The following SLC25A26 variants were observed in gnomAD, a reference collection of about 807,000 sequenced individuals.
SLC25A26 encodes the protein solute carrier family 25 member 26.
A neutral mutation model predicts 37.8 loss-of-function variants in SLC25A26; 36 were observed. The observed-to-expected ratio is 0.95, with a 90% CI of 0.73 to 1.26. The LOEUF (loss-of-function observed/expected upper bound fraction) is 1.26, where lower values mean the gene tolerates loss of function less well. Ranked by LOEUF, SLC25A26 falls within the 50% of genes most tolerant of loss-of-function variation. SLC25A26 has a pLI of 0.00. For synonymous variants in SLC25A26, 129 were observed against 122.5 expected, an observed-to-expected ratio of 1.05 and a Z score of -0.35; for missense variants, 390 against 331.1, an observed-to-expected ratio of 1.18 and a Z score of -1.38.
chr3:66,267,053 A>G (rs1345130512), intron 5 of SLC25A26, among the ~76,000 whole-genome samples: 1 of 152,200 alleles, frequency 6.6e-6, no homozygotes. Context: ...GGGGCACTAC[A>G]AGGAACATTT....
intron 5 of SLC25A26, among the ~76,000 whole-genome samples, chr3:66,305,618 C>T (rs1203753510): frequency 3.3e-5 from 5 of 152,076 alleles, no homozygotes; most frequent in Admixed American, 6.5e-5. Flanking sequence ...TTCCCCCCAC[C>T]CCACCCTGTG....
chr3:66,134,590 A>ATGT (rs1163687789), intron 1 of SLC25A26, among the ~76,000 whole-genome samples: 11 of 152,208 alleles, frequency 7.2e-5, no homozygotes, highest in African/African-American at 2.2e-4. Context: ...TGCTTAGAGA[A>ATGT]TGTATCTTTA....
At chr3:66,185,389 G>T (rs895733760) in intron 1 of SLC25A26, among the ~76,000 whole-genome samples, 1 of 152,156 alleles carries the variant, frequency 6.6e-6, no homozygotes, top group Non-Finnish European at 1.5e-5. Flanking sequence ...TTTGCCTGTT[G>T]TGAATAATGC....
intron 5 of SLC25A26, among the ~76,000 whole-genome samples, chr3:66,288,960 C>G (rs1013607083): frequency 6.6e-6 from 1 of 152,162 alleles, no homozygotes; most frequent in African/African-American, 2.4e-5. Flanking sequence ...AAAAGCATTC[C>G]TATTTCTCCA....
intron 5 of SLC25A26, among the ~76,000 whole-genome samples, chr3:66,341,798 T>C (rs2076215672): frequency 1.3e-5 from 2 of 152,226 alleles, no homozygotes; most frequent in South Asian, 4.1e-4. Flanking sequence ...TTTCTTTATG[T>C]ACGGTGTAAA....
At chr3:66,214,234 C>T (rs1327401605) in intron 1 of SLC25A26, among the ~76,000 whole-genome samples, 2 of 151,998 alleles carry the variant, frequency 1.3e-5, no homozygotes, top group African/African-American at 4.8e-5. Context: ...ATCTTTCTAC[C>T]TCTCTCACCA....
chr3:66,318,585 A>G (rs2075605200), intron 5 of SLC25A26, among the ~76,000 whole-genome samples: 1 of 151,900 alleles, frequency 6.6e-6, no homozygotes, highest in South Asian at 2.1e-4. Context: ...TGTCCTTCTC[A>G]GTGGAAGCCA....
chr3:66,362,880 G>T lies in SLC25A26; in HGVS notation c.519G>T (p.Gln173His). The T allele has an allele frequency of 1.2e-6, 2 of 1,607,120 alleles. No individual in the cohort carries two copies. The highest frequency in any genetic ancestry group is 1.7e-6 in the Non-Finnish European group (2 of 1,176,690). ...CACAGGCCCTCTGGTCCTGGAGGCAGGATCATGTGGTGGATTCTTGGCAGT... is the reference window on the plus strand; with the variant it reads ...CACAGGCCCTCTGGTCCTGGAGGCATGATCATGTGGTGGATTCTTGGCAGT... ...ESLKALWSWR[Q>H]DHVVDSWQSA... The change falls in exon 7 of 10, where the codon CAG becomes CAT. Residue 173 changes from glutamine to histidine, a missense_variant. Physicochemically the swap from Gln to His is conservative, Grantham distance 24. Transcript: ENST00000354883.
intron 1 of SLC25A26, among the ~76,000 whole-genome samples, chr3:66,153,688 T>C (rs2070238213): frequency 6.6e-6 from 1 of 152,212 alleles, no homozygotes; most frequent in Admixed American, 6.5e-5. Context: ...AGTCTCCTGG[T>C]GGAATTTCAG....
Position 66,316,620 on chromosome 3 carries a change from T to C in SLC25A26, c.454-29744T>C, listed in dbSNP as rs142738113. Among the ~76,000 whole-genome samples the C allele has an allele frequency of 3.3e-3, 502 of 152,278 alleles. 3 individuals are homozygous for C. Among genetic ancestry groups the C allele is most frequent in the East Asian group, 0.016 (83 of 5,176 alleles). On this transcript the variant is annotated intron_variant, in intron 5 of 9. Coordinates refer to ENST00000354883, the MANE Select transcript of SLC25A26 (RefSeq NM_001379210.1). ...TGGGGTTGATATTCTCATGGAGTTA[T>C]CTTCCTGGGGTTCTCTGGAGTTCCT... is the stretch of plus-strand genomic sequence containing the variant.
rs369320530 is a variant in SLC25A26 at position 66,305,099 on chromosome 3, C to T, written c.454-41265C>T. On this transcript the variant is annotated intron_variant, in intron 5 of 9. Coordinates refer to ENST00000354883, the MANE Select transcript of SLC25A26 (RefSeq NM_001379210.1). ...AAAGCCAAAAGCATTTCTAAATGATCTCCATCCCATTCCCCTCAAATAATA... is the reference window on the plus strand; with the variant it reads ...AAAGCCAAAAGCATTTCTAAATGATTTCCATCCCATTCCCCTCAAATAATA... Among the ~76,000 whole-genome samples, 71 of 152,256 alleles carry T rather than the reference C, an allele frequency of 4.7e-4. 2 individuals carry two copies. In the South Asian group the frequency reaches 0.014, roughly 31 times the overall value.
rs556196755 is a variant in SLC25A26, at chr3:66,307,525, A to G, written c.454-38839A>G. On this transcript the variant is annotated intron_variant, in intron 5 of 9. Transcript: ENST00000354883. ...TAGTTTAATTAGATCCCATTTGTCAATTTTGGCTGTTGTTGCCGTTGCTTT... is the reference window on the plus strand; with the variant it reads ...TAGTTTAATTAGATCCCATTTGTCAGTTTTGGCTGTTGTTGCCGTTGCTTT... Among the ~76,000 whole-genome samples, 15 of 152,246 alleles carry G rather than the reference A, an allele frequency of 9.9e-5. No homozygotes were observed. In the East Asian group the frequency reaches 1.7e-3, roughly 18 times the overall value.
chr3:66,233,337 T>C (rs2072121243), intron 1 of SLC25A26, among the ~76,000 whole-genome samples: 1 of 152,240 alleles, frequency 6.6e-6, no homozygotes, highest in Non-Finnish European at 1.5e-5. Flanking sequence ...TATTGAGGTC[T>C]CGATACATTG....
Position 66,346,715 on chromosome 3 carries a change from C to CGTGTGTGTGTGT in SLC25A26, c.498+342_498+353dup, listed in dbSNP as rs34944870. The stretch of plus-strand genomic sequence containing the variant: ...CCGTTAAATTTCATTTTGCTGTGTG[C>CGTGTGTGTGTGT]GTGTGTGTGTGTGTGTGTGTGTGTG... On this transcript the variant is annotated intron_variant, in intron 6 of 9. Coordinates refer to ENST00000354883, the MANE Select transcript of SLC25A26 (RefSeq NM_001379210.1). 2.1e-3 allele frequency among the ~76,000 whole-genome samples: 289 copies of CGTGTGTGTGTGT among 138,972 alleles called. 2 individuals are homozygous for CGTGTGTGTGTGT. The highest frequency in any genetic ancestry group is 3.8e-3 in the Middle Eastern group (1 of 260). The allele number at this position is 138,972 out of a possible 152,430, so 91.2% of individuals were successfully genotyped here. A position where few individuals can be genotyped will look rare whatever the true frequency, so the allele number is the denominator to read the frequency against.
intron 1 of SLC25A26, among the ~76,000 whole-genome samples, chr3:66,137,216 T>TC (rs1491548814): frequency 1.4e-5 from 2 of 144,000 alleles, no homozygotes; most frequent in African/African-American, 5.2e-5. Flanking sequence ...TGATTTTCTT[T>TC]CTTTTTTTTT....
At chr3:66,225,559 C>T (rs2071706164) in intron 1 of SLC25A26, among the ~76,000 whole-genome samples, 1 of 152,208 alleles carries the variant, frequency 6.6e-6, no homozygotes, top group Non-Finnish European at 1.5e-5. Flanking sequence ...CTGACATGCC[C>T]TGAAGACATT....
chr3:66,188,135 C>T (rs1231149267), intron 1 of SLC25A26, among the ~76,000 whole-genome samples: 1 of 152,090 alleles, frequency 6.6e-6, no homozygotes, highest in Non-Finnish European at 1.5e-5. Flanking sequence ...CCTGAACCCT[C>T]AAATGTATCA....
intron 4 of SLC25A26, among the ~76,000 whole-genome samples, chr3:66,262,514 A>T (rs562965597): frequency 1.3e-5 from 2 of 152,344 alleles, no homozygotes; most frequent in South Asian, 4.1e-4. Flanking sequence ...CTGGACTGAT[A>T]ACAGTGACCA....
At chr3:66,226,304 A>G (rs2071747581) in intron 1 of SLC25A26, among the ~76,000 whole-genome samples, 1 of 152,146 alleles carries the variant, frequency 6.6e-6, no homozygotes, top group South Asian at 2.1e-4. Context: ...TTATGAGATC[A>G]TCAGATCTTG....
Sources: allele counts gnomAD v4.1 joint callset (sites outside exome capture counted in the v4.1 genomes callset), GRCh38; gene constraint gnomAD v4.1.1; transcripts MANE v1.5; gene names NCBI Gene and HGNC (gene_info 2026-07-23, HGNC 2026-07-21).